ESRRB: variants seen among roughly 807,000 people sequenced by gnomAD.
The protein encoded by ESRRB is estrogen related receptor beta, also known as steroid hormone receptor ERR2.
In ESRRB, 16 loss-of-function variants were observed where a neutral mutation model predicts 46.0. The ratio of observed to expected loss-of-function variants is 0.35; its 90% CI spans 0.24 to 0.53. ESRRB has a LOEUF of 0.53. ESRRB is among the 20% of genes least tolerant of loss of function. The pLI is 0.93. For synonymous variants in ESRRB, 246 were observed against 259.6 expected (o/e 0.95, Z 0.50); for missense variants, 488 against 607.4 (o/e 0.80, Z 2.07).
At chr14:76,317,711 G>A (rs1170793676) in intron 1 of ESRRB, among the ~76,000 whole-genome samples, 1 of 152,202 alleles carries the variant, frequency 6.6e-6, no homozygotes, top group African/African-American at 2.4e-5. Flanking sequence ...GTACCAGGCG[G>A]TCCAGCCCAG....
chr14:76,432,563 G>C (rs548011628), intron 1 of ESRRB, among the ~76,000 whole-genome samples: 1 of 152,228 alleles, frequency 6.6e-6, no homozygotes, highest in South Asian at 2.1e-4. Flanking sequence ...GGTGGGTTTG[G>C]GGGGTAAAGA....
chr14:76,326,829 C>A (rs774094503), intron 1 of ESRRB, among the ~76,000 whole-genome samples: 2 of 152,232 alleles, frequency 1.3e-5, no homozygotes, highest in African/African-American at 2.4e-5. Flanking sequence ...GAAAAAAGCA[C>A]CCTTCTTGCC....
chr14:76,487,689 G>C (rs966819569), intron 5 of ESRRB, among the ~76,000 whole-genome samples: 10 of 151,706 alleles, frequency 6.6e-5, no homozygotes, highest in African/African-American at 2.2e-4. Context: ...CTGGAGCTTT[G>C]ACCACCTGGG....
At chr14:76,326,835 T>G (rs1310636380) in intron 1 of ESRRB, among the ~76,000 whole-genome samples, 1 of 152,232 alleles carries the variant, frequency 6.6e-6, no homozygotes, top group East Asian at 1.9e-4. Context: ...AGCACCCTTC[T>G]TGCCAGCTGC....
intron 1 of ESRRB, among the ~76,000 whole-genome samples, chr14:76,438,732 C>T (rs1887779902): frequency 6.6e-6 from 1 of 151,790 alleles, no homozygotes; most frequent in African/African-American, 2.4e-5. Context: ...AACATTTTGG[C>T]TGACTAGTTT....
chr14:76,468,535 A>C (rs28458456), intron 3 of ESRRB, among the ~76,000 whole-genome samples: 44,191 of 151,672 alleles, frequency 0.29, 7,665 homozygotes, highest in African/African-American at 0.49. Flanking sequence ...AATGAAGACG[A>C]AGGAGATGAT....
At chr14:76,383,767 A>G (rs920170954) in intron 1 of ESRRB, among the ~76,000 whole-genome samples, 1 of 152,116 alleles carries the variant, frequency 6.6e-6, no homozygotes, top group Non-Finnish European at 1.5e-5. Flanking sequence ...CAGAATGCCT[A>G]TAATTGGCCC....
chr14:76,318,232 A>C (rs1883824984), intron 1 of ESRRB, among the ~76,000 whole-genome samples: 2 of 152,110 alleles, frequency 1.3e-5, no homozygotes, highest in African/African-American at 4.8e-5. Flanking sequence ...AGGTTTGCTA[A>C]AAGTCCTTTA....
intron 5 of ESRRB, among the ~76,000 whole-genome samples, chr14:76,491,230 T>G (rs571711416): frequency 6.6e-6 from 1 of 152,352 alleles, no homozygotes; most frequent in South Asian, 2.1e-4. Context: ...TCTCATTTTG[T>G]AAGTCTTTTC....
chr14:76,391,934 G>T (rs1400913408), intron 1 of ESRRB, among the ~76,000 whole-genome samples: 1 of 152,204 alleles, frequency 6.6e-6, no homozygotes, highest in African/African-American at 2.4e-5. Flanking sequence ...GAACCACCTT[G>T]CCAGGCTCCA....
intron 1 of ESRRB, among the ~76,000 whole-genome samples, chr14:76,388,175 CTTTTTT>C (rs35368784): frequency 8.5e-6 from 1 of 118,260 alleles, no homozygotes; most frequent in Non-Finnish European, 1.7e-5. Flanking sequence ...TTCTTTCATT[CTTTTTT>C]TTTTTTTTTT....
At chr14:76,473,673 G>A (rs920807459) in intron 3 of ESRRB, among the ~76,000 whole-genome samples, 1 of 152,248 alleles carries the variant, frequency 6.6e-6, no homozygotes, top group Non-Finnish European at 1.5e-5. Context: ...TCCAGCTTAG[G>A]CAGGGAAGAT....
chr14:76,464,839 T>C (rs536764138), intron 3 of ESRRB, among the ~76,000 whole-genome samples: 2 of 152,194 alleles, frequency 1.3e-5, no homozygotes, highest in African/African-American at 2.4e-5. Flanking sequence ...GATGGGAAAA[T>C]TGAGGCAAAA....
At chr14:76,483,345 C>T (rs949753120) in intron 5 of ESRRB, among the ~76,000 whole-genome samples, 1 of 152,174 alleles carries the variant, frequency 6.6e-6, no homozygotes, top group African/African-American at 2.4e-5. Flanking sequence ...GTGAAGTGTT[C>T]GGCACAGTGT....
intron 1 of ESRRB, among the ~76,000 whole-genome samples, chr14:76,384,840 C>A (rs1040256600): frequency 3.3e-5 from 5 of 152,128 alleles, no homozygotes; most frequent in Admixed American, 1.3e-4. Context: ...CCCTTGATCG[C>A]CTTCTTGGCC....
chr14:76,437,713 C>A (rs1470774287), intron 1 of ESRRB, among the ~76,000 whole-genome samples: 1 of 152,160 alleles, frequency 6.6e-6, no homozygotes, highest in African/African-American at 2.4e-5. Context: ...CCAATCCTGG[C>A]TGGAATGTGA....
At chr14:76,493,423 G>A (rs569464712) in intron 6 of ESRRB, among the ~76,000 whole-genome samples, 1 of 152,250 alleles carries the variant, frequency 6.6e-6, no homozygotes, top group East Asian at 1.9e-4. Flanking sequence ...CCAAAGTGAG[G>A]GGATTACAGG....
intron 1 of ESRRB, among the ~76,000 whole-genome samples, chr14:76,354,131 C>A (rs554836682): frequency 6.6e-6 from 1 of 151,822 alleles, no homozygotes; most frequent in Non-Finnish European, 1.5e-5. Flanking sequence ...CATACCCTGA[C>A]CTCTCCATCT....
rs777504452 is a variant in ESRRB at position 76,491,654 on chromosome 14, A to G, written c.1058A>G (p.Lys353Arg). The change falls in exon 6 of 7, where the codon AAG (lysine) becomes AGG (arginine). Residue 353 changes from lysine to arginine, a missense_variant. Coordinates refer to ENST00000644823, the MANE Select transcript of ESRRB (RefSeq NM_001379180.1). ...ATCCTGCAGCTGGTACGCAGGTACA[A>G]GAAGCTCAAGGTGGAGAAGGAGGAG... ...RAILQLVRRYKKLKVEKEEFV... is the reference protein window; with the variant it reads ...RAILQLVRRYRKLKVEKEEFV... 1.0e-5 allele frequency: 16 copies of G among 1,587,178 alleles called. No homozygotes were observed. The South Asian group carries it at 1.8e-4, about 18-fold the overall frequency.
Sources: allele counts gnomAD v4.1 joint callset (sites outside exome capture counted in the v4.1 genomes callset), GRCh38; gene constraint gnomAD v4.1.1; transcripts MANE v1.5; gene names NCBI Gene and HGNC (gene_info 2026-07-23, HGNC 2026-07-21).